Variants in TMEM200A observed in about 807,000 individuals in gnomAD.
TMEM200A encodes the protein two transmembrane C.
In TMEM200A, 12 loss-of-function variants were observed where a neutral mutation model predicts 24.3. That is an observed-to-expected ratio of 0.49 (90% CI 0.32 to 0.80). The LOEUF is 0.80. Among genes scored for constraint, TMEM200A ranks in the 30% least tolerant of loss-of-function variants. The probability of loss-of-function intolerance (pLI) is 0.04; values close to 1 mark genes in which losing one functional copy is unlikely to be tolerated. For missense variants in TMEM200A, 545 were observed against 614.4 expected (o/e 0.89, Z 1.19); for synonymous variants, 224 against 224.4 (o/e 1.00, Z 0.02).
intron 2 of TMEM200A, among the ~76,000 whole-genome samples, chr6:130,393,966 A>G (rs1398473344): frequency 6.6e-6 from 1 of 152,192 alleles, no homozygotes; most frequent in Non-Finnish European, 1.5e-5. Flanking sequence ...TACAGATTGA[A>G]TATCACATAT....
chr6:130,432,701 T>C (rs1779906992), intron 2 of TMEM200A, among the ~76,000 whole-genome samples: 2 of 152,214 alleles, frequency 1.3e-5, no homozygotes, highest in Non-Finnish European at 2.9e-5. Context: ...GTAAGCATTA[T>C]ATACATAACT....
intron 2 of TMEM200A, among the ~76,000 whole-genome samples, chr6:130,404,720 G>A (rs1028158103): frequency 6.6e-6 from 1 of 152,038 alleles, no homozygotes; most frequent in African/African-American, 2.4e-5. Flanking sequence ...AATTGCTTTT[G>A]GCGTCTTTGT....
At chr6:130,423,555 G>A (rs1054726838) in intron 2 of TMEM200A, among the ~76,000 whole-genome samples, 2 of 152,040 alleles carry the variant, frequency 1.3e-5, no homozygotes, top group African/African-American at 4.8e-5. Context: ...ACATACAAAT[G>A]TTGCTAACAA....
intron 1 of TMEM200A, among the ~76,000 whole-genome samples, chr6:130,377,388 A>G (rs1251276555): frequency 6.6e-6 from 1 of 152,196 alleles, no homozygotes; most frequent in Non-Finnish European, 1.5e-5. Flanking sequence ...TCTTATTTCT[A>G]GAGATACCAT....
intron 1 of TMEM200A, among the ~76,000 whole-genome samples, chr6:130,368,555 T>A (rs6927174): frequency 3.7e-4 from 57 of 152,328 alleles, no homozygotes; most frequent in African/African-American, 1.4e-3. Flanking sequence ...ATCAAGCAGA[T>A]CCACTTGTTC....
chr6:130,414,194 G>A (rs1209505622), intron 2 of TMEM200A, among the ~76,000 whole-genome samples: 1 of 152,126 alleles, frequency 6.6e-6, no homozygotes, highest in Non-Finnish European at 1.5e-5. Flanking sequence ...CACTTTAGGA[G>A]CCTGAAGTGT....
At chr6:130,415,030 A>C (rs1779416952) in intron 2 of TMEM200A, among the ~76,000 whole-genome samples, 1 of 152,206 alleles carries the variant, frequency 6.6e-6, no homozygotes, top group Admixed American at 6.5e-5. Flanking sequence ...TAGGACGTCA[A>C]GTATTTGGTT....
chr6:130,383,976 C>G (rs926495722), intron 1 of TMEM200A, among the ~76,000 whole-genome samples: 3 of 151,998 alleles, frequency 2.0e-5, no homozygotes, highest in Admixed American at 2.0e-4. Context: ...AAAAATTAGC[C>G]AGGTGTGGTG....
intron 2 of TMEM200A, among the ~76,000 whole-genome samples, chr6:130,401,560 G>T (rs956041992): frequency 6.7e-6 from 1 of 149,234 alleles, no homozygotes. Context: ...GTATTAAACA[G>T]TGCTGCAACC....
At chr6:130,372,759 A>C (rs1041847734) in intron 1 of TMEM200A, among the ~76,000 whole-genome samples, 5 of 152,228 alleles carry the variant, frequency 3.3e-5, no homozygotes, top group Non-Finnish European at 7.3e-5. Flanking sequence ...ATGTGTGCGC[A>C]ATTGACTGTG....
chr6:130,423,140 TAG>T (rs1347628544), intron 2 of TMEM200A, among the ~76,000 whole-genome samples: 2 of 152,348 alleles, frequency 1.3e-5, no homozygotes, highest in East Asian at 3.9e-4. Flanking sequence ...TATATTTAGT[TAG>T]ACCACGGAGT....
chr6:130,372,848 C>T (rs1024166356), intron 1 of TMEM200A, among the ~76,000 whole-genome samples: 12 of 152,180 alleles, frequency 7.9e-5, no homozygotes, highest in African/African-American at 1.2e-4. Context: ...GTAGCCTATT[C>T]GGAGAGGTAA....
At chr6:130,417,220 A>G (rs773304762) in intron 2 of TMEM200A, among the ~76,000 whole-genome samples, 3 of 152,218 alleles carry the variant, frequency 2.0e-5, no homozygotes, top group African/African-American at 4.8e-5. Flanking sequence ...TGCTAATTAA[A>G]TATTTGTTAG....
At chr6:130,365,611 G>A, upstream of TMEM200A, 1 of 985,474 alleles carries the variant, frequency 1.0e-6, no homozygotes, top group Non-Finnish European at 1.2e-6. Context: ...GGGGAGCCGG[G>A]TCCCTGGCTC....
At chr6:130,409,029 C>G (rs563236349) in intron 2 of TMEM200A, among the ~76,000 whole-genome samples, 1 of 152,284 alleles carries the variant, frequency 6.6e-6, no homozygotes, top group South Asian at 2.1e-4. Flanking sequence ...TGGCACTCCT[C>G]TAATGGGCAG....
At chr6:130,373,478 A>T (rs1160091139) in intron 1 of TMEM200A, among the ~76,000 whole-genome samples, 1 of 152,110 alleles carries the variant, frequency 6.6e-6, no homozygotes, top group African/African-American at 2.4e-5. Context: ...CTGTTTGCTT[A>T]ATCTTATGTC....
At chr6:130,370,894 A>G (rs1778307028) in intron 1 of TMEM200A, among the ~76,000 whole-genome samples, 1 of 152,216 alleles carries the variant, frequency 6.6e-6, no homozygotes, top group African/African-American at 2.4e-5. Flanking sequence ...AAGTTTGAAC[A>G]GGGAGCTGAA....
At chr6:130,415,536 C>G (rs1392976869) in intron 2 of TMEM200A, among the ~76,000 whole-genome samples, 1 of 152,142 alleles carries the variant, frequency 6.6e-6, no homozygotes, top group East Asian at 1.9e-4. Flanking sequence ...GAGCTGAAGT[C>G]TCCGTAACAT....
intron 2 of TMEM200A, among the ~76,000 whole-genome samples, chr6:130,436,550 C>T (rs7768661): frequency 0.25 from 36,237 of 145,402 alleles, 5,636 homozygotes; most frequent in African/African-American, 0.44. Flanking sequence ...TACCAATTGG[C>T]ATTACAGTTT....
Sources: allele counts gnomAD v4.1 joint callset (sites outside exome capture counted in the v4.1 genomes callset), GRCh38; gene constraint gnomAD v4.1.1; transcripts MANE v1.5; gene names NCBI Gene and HGNC (gene_info 2026-07-23, HGNC 2026-07-21).